The following UCHL3 variants were observed in gnomAD, a reference collection of about 807,000 sequenced individuals.
The protein encoded by UCHL3 is ubiquitin C-terminal hydrolase L3.
In UCHL3, 22 loss-of-function variants were observed where a neutral mutation model predicts 35.8. The ratio of observed to expected loss-of-function variants is 0.61; its 90% CI spans 0.44 to 0.88. The LOEUF (loss-of-function observed/expected upper bound fraction) is 0.88, where lower values mean the gene tolerates loss of function less well. UCHL3 is among the 40% of genes least tolerant of loss of function. UCHL3 has a pLI of 0.00. For missense variants in UCHL3, 229 were observed against 276.9 expected (o/e 0.83, Z 1.23); for synonymous variants, 90 against 92.8 (o/e 0.97, Z 0.17).
chr13:75,590,601 A>G (rs1395798198), intron 6 of UCHL3, among the ~76,000 whole-genome samples: 3 of 152,012 alleles, frequency 2.0e-5, no homozygotes, highest in African/African-American at 4.8e-5. Context: ...TACTTACTCT[A>G]TTCTCAATCT....
chr13:75,553,466 T>C (rs2031184772), intron 2 of UCHL3, among the ~76,000 whole-genome samples: 1 of 152,234 alleles, frequency 6.6e-6, no homozygotes, highest in Non-Finnish European at 1.5e-5. Flanking sequence ...TCCATCTTTA[T>C]TGAAACATTA....
At chr13:75,587,096 A>G (rs2032348040) in intron 6 of UCHL3, among the ~76,000 whole-genome samples, 1 of 151,894 alleles carries the variant, frequency 6.6e-6, no homozygotes, top group Admixed American at 6.6e-5. Context: ...GCAGAAGTCA[A>G]TGAAATTCAT....
rs377034466 is a variant in UCHL3 at position 75,550,407 on chromosome 13, A to G, written c.54+420A>G. Among the ~76,000 whole-genome samples, 20 of 152,046 alleles carry G rather than the reference A, an allele frequency of 1.3e-4. No individual in the cohort carries two copies. In the East Asian group the frequency reaches 3.1e-3, roughly 24 times the overall value. ...TAAACTCGCCCACCCAGTCCTTGTA[A>G]TTTCATCCACCGCCTGCACTATGAA... On this transcript the variant is annotated intron_variant, in intron 2 of 8. Coordinates refer to ENST00000377595, the MANE Select transcript of UCHL3 (RefSeq NM_006002.5).
chr13:75,549,724 T>G, upstream of UCHL3: 5 of 1,357,600 alleles, frequency 3.7e-6, no homozygotes, highest in African/African-American at 1.5e-5. Flanking sequence ...CTCCGGGCGG[T>G]GTGTTGGGAG....
intron 8 of UCHL3, chr13:75,605,088 T>C (rs2032898513): frequency 3.0e-6 from 1 of 334,804 alleles, no homozygotes; most frequent in Non-Finnish European, 5.3e-6. Flanking sequence ...CGAGATTTCA[T>C]CAAATCCAGG....
At chr13:75,564,340 C>T (rs1022924975) in intron 3 of UCHL3, among the ~76,000 whole-genome samples, 1 of 151,852 alleles carries the variant, frequency 6.6e-6, no homozygotes, top group Non-Finnish European at 1.5e-5. Flanking sequence ...TTAGTAGAGA[C>T]GGGGTTTCAC....
chr13:75,603,842 G>A (rs2032851605), intron 7 of UCHL3, among the ~76,000 whole-genome samples: 1 of 151,946 alleles, frequency 6.6e-6, no homozygotes, highest in Non-Finnish European at 1.5e-5. Context: ...TATGTCCCAG[G>A]CATTGTAATT....
chr13:75,569,570 A>G, intron 6 of UCHL3, 63 bp downstream of exon 6: 2 of 1,439,414 alleles, frequency 1.4e-6, no homozygotes, highest in Non-Finnish European at 1.9e-6. Flanking sequence ...TTCTTGCTGT[A>G]AATTTAACCA....
At chr13:75,551,430 C>CA (rs56723936) in intron 2 of UCHL3, among the ~76,000 whole-genome samples, 9,674 of 86,030 alleles carry the variant, frequency 0.11, 425 homozygotes, top group Middle Eastern at 0.14. Flanking sequence ...GACTCTGTCT[C>CA]AAAAAAAAAA....
At chr13:75,598,439 G>A (rs1027929498) in intron 7 of UCHL3, among the ~76,000 whole-genome samples, 2 of 152,108 alleles carry the variant, frequency 1.3e-5, no homozygotes, top group African/African-American at 2.4e-5. Flanking sequence ...TCACAATAAT[G>A]TCCTCTATTC....
chr13:75,554,821 C>T (rs2031238073), intron 2 of UCHL3, among the ~76,000 whole-genome samples: 1 of 151,098 alleles, frequency 6.6e-6, no homozygotes, highest in Non-Finnish European at 1.5e-5. Flanking sequence ...ACTCATGTCA[C>T]AGGGATTTGT....
chr13:75,562,650 T>TA (rs975307936), intron 3 of UCHL3, among the ~76,000 whole-genome samples: 9 of 152,072 alleles, frequency 5.9e-5, no homozygotes, highest in Non-Finnish European at 1.3e-4. Flanking sequence ...ACTTTTTTTG[T>TA]AAAAAATAAA....
chr13:75,562,443 T>C (rs1329601834), intron 3 of UCHL3, among the ~76,000 whole-genome samples: 2 of 152,136 alleles, frequency 1.3e-5, no homozygotes, highest in Admixed American at 6.5e-5. Context: ...TACTCTCTTT[T>C]AATACAATGT....
chr13:75,594,817 CTT>C (rs1446700054), intron 6 of UCHL3, 96 bp from the exon 7 acceptor site: 2 of 876,842 alleles, frequency 2.3e-6, no homozygotes, highest in Non-Finnish European at 3.5e-6. Context: ...TAAATGTTCT[CTT>C]ATATAATTTG....
chr13:75,571,760 T>C (rs116903958), intron 6 of UCHL3, among the ~76,000 whole-genome samples: 1,575 of 152,332 alleles, frequency 0.01, 13 homozygotes, highest in Non-Finnish European at 0.015. Context: ...GAGGGCTTTT[T>C]TACACTGCTG....
chr13:75,565,886 A>G (rs1454936159), intron 3 of UCHL3, among the ~76,000 whole-genome samples: 2 of 152,226 alleles, frequency 1.3e-5, no homozygotes, highest in Non-Finnish European at 2.9e-5. Context: ...CACACAGCTA[A>G]TAACAGCTGA....
chr13:75,585,041 G>A (rs1028491686), intron 6 of UCHL3, among the ~76,000 whole-genome samples: 24 of 150,790 alleles, frequency 1.6e-4, no homozygotes, highest in African/African-American at 5.8e-4. Context: ...GGAGAAGAGA[G>A]ATGGAAAGAT....
At chr13:75,577,255 A>G (rs1440302186) in intron 6 of UCHL3, among the ~76,000 whole-genome samples, 1 of 152,202 alleles carries the variant, frequency 6.6e-6, no homozygotes, top group Non-Finnish European at 1.5e-5. Flanking sequence ...CAGACAAAAA[A>G]GAGAAAAAAT....
At chr13:75,599,826 T>G (rs1032435923) in intron 7 of UCHL3, among the ~76,000 whole-genome samples, 1 of 152,192 alleles carries the variant, frequency 6.6e-6, no homozygotes, top group Non-Finnish European at 1.5e-5. Context: ...GTCTCTCACT[T>G]TAAGTCAAAA....
Sources: allele counts gnomAD v4.1 joint callset (sites outside exome capture counted in the v4.1 genomes callset), GRCh38; gene constraint gnomAD v4.1.1; transcripts MANE v1.5; gene names NCBI Gene and HGNC (gene_info 2026-07-23, HGNC 2026-07-21).